The following APP variants were observed in gnomAD, a reference collection of about 807,000 sequenced individuals.
APP encodes amyloid beta precursor protein.
In APP, 31 loss-of-function variants were observed where a neutral mutation model predicts 101.4. The ratio of observed to expected loss-of-function variants is 0.31; its 90% CI spans 0.23 to 0.41. The LOEUF (loss-of-function observed/expected upper bound fraction) is 0.41. Ranked by LOEUF, APP falls within the 10% of genes least tolerant of loss-of-function variation. The pLI, the probability that APP is intolerant of heterozygous loss-of-function variation, is 1.00. For missense variants in APP, 839 were observed against 1,003.7 expected, an observed-to-expected ratio of 0.84 and a Z score of 2.22; for synonymous variants, 366 against 364.4, an observed-to-expected ratio of 1.00 and a Z score of -0.05.
intron 5 of APP, among the ~76,000 whole-genome samples, chr21:26,044,535 T>C (rs1237651502): frequency 1.3e-5 from 2 of 152,116 alleles, no homozygotes; most frequent in Admixed American, 6.5e-5. Flanking sequence ...AATGTATTTC[T>C]TTCTTTCTTT....
At chr21:26,009,084 G>T (rs952484818) in intron 6 of APP, among the ~76,000 whole-genome samples, 9 of 152,188 alleles carry the variant, frequency 5.9e-5, no homozygotes, top group Non-Finnish European at 1.2e-4. Context: ...GAAGCAGCAT[G>T]ATCAACCTTA....
At chr21:25,986,132 T>C (rs2042627935) in intron 8 of APP, among the ~76,000 whole-genome samples, 1 of 152,142 alleles carries the variant, frequency 6.6e-6, no homozygotes, top group Non-Finnish European at 1.5e-5. Flanking sequence ...CAGAGACACG[T>C]GTGCCCTATG....
At chr21:26,166,356 C>T (rs116382391) in intron 1 of APP, among the ~76,000 whole-genome samples, 1,655 of 152,288 alleles carry the variant, frequency 0.011, 30 homozygotes, top group African/African-American at 0.037. Flanking sequence ...GTGAGACCCA[C>T]AGGGTGACAG....
chr21:25,886,303 T>C (rs756330682), intron 17 of APP, among the ~76,000 whole-genome samples: 2 of 152,120 alleles, frequency 1.3e-5, no homozygotes, highest in South Asian at 2.1e-4. Context: ...CATCTCTCTA[T>C]AGTTATATAT....
intron 1 of APP, among the ~76,000 whole-genome samples, chr21:26,154,734 A>AT (rs2063341088): frequency 6.6e-6 from 1 of 152,220 alleles, no homozygotes; most frequent in Non-Finnish European, 1.5e-5. Flanking sequence ...AATGTGGGTG[A>AT]TTTTGAACAA....
chr21:26,009,298 A>T (rs998561037), intron 6 of APP, among the ~76,000 whole-genome samples: 2 of 152,214 alleles, frequency 1.3e-5, no homozygotes, highest in African/African-American at 4.8e-5. Flanking sequence ...ATTTGAACAG[A>T]TTGAACAGAT....
At chr21:26,151,822 CCA>C (rs1339504221) in intron 1 of APP, among the ~76,000 whole-genome samples, 1 of 152,202 alleles carries the variant, frequency 6.6e-6, no homozygotes, top group Admixed American at 6.5e-5. Flanking sequence ...TCCTAACACG[CCA>C]CAGACCGGTA....
intron 4 of APP, 97 bp from the exon 5 acceptor site, chr21:26,051,290 T>C: frequency 1.6e-6 from 2 of 1,234,222 alleles, no homozygotes; most frequent in Admixed American, 2.0e-5. Flanking sequence ...ACCCAATATA[T>C]TAGGAACCAA....
At chr21:26,042,825 A>G (rs2045435132) in intron 5 of APP, among the ~76,000 whole-genome samples, 1 of 152,148 alleles carries the variant, frequency 6.6e-6, no homozygotes, top group Non-Finnish European at 1.5e-5. Flanking sequence ...CTGAGGCAGG[A>G]GGATCACTTG....
intron 13 of APP, chr21:25,942,424 T>C (rs1045095245): frequency 6.6e-6 from 1 of 152,186 alleles, no homozygotes; most frequent in African/African-American, 2.4e-5. Context: ...AAAACTAAGA[T>C]TCTTTCCTTT....
chr21:26,053,026 G>T (rs1190866647), intron 4 of APP, among the ~76,000 whole-genome samples: 1 of 151,992 alleles, frequency 6.6e-6, no homozygotes, highest in Non-Finnish European at 1.5e-5. Flanking sequence ...GGGGACAGGG[G>T]GTACACGGGA....
chr21:25,891,377 A>G (rs929676586), intron 17 of APP, among the ~76,000 whole-genome samples: 4 of 152,210 alleles, frequency 2.6e-5, no homozygotes, highest in African/African-American at 9.6e-5. Context: ...TTTTATTTTT[A>G]ACTTCTTGTA....
chr21:25,987,320 T>TC (rs773987011), intron 8 of APP, among the ~76,000 whole-genome samples: 2 of 151,940 alleles, frequency 1.3e-5, no homozygotes, highest in African/African-American at 4.8e-5. Flanking sequence ...CTAGGTATGT[T>TC]CCCCCCTCCA....
chr21:26,083,963 C>T (rs1376555351), intron 3 of APP, among the ~76,000 whole-genome samples: 1 of 151,914 alleles, frequency 6.6e-6, no homozygotes, highest in East Asian at 1.9e-4. Context: ...TGTTAAAAGT[C>T]CCAGAAAGAG....
At chr21:26,113,640 C>G (rs1473629650) in intron 1 of APP, among the ~76,000 whole-genome samples, 1 of 152,208 alleles carries the variant, frequency 6.6e-6, no homozygotes, top group African/African-American at 2.4e-5. Context: ...AGATCATCTG[C>G]AGAAATAGCT....
intron 8 of APP, among the ~76,000 whole-genome samples, chr21:25,990,173 T>C (rs898490597): frequency 6.6e-6 from 1 of 152,198 alleles, no homozygotes. Context: ...GTCAGTGCAA[T>C]CATAGTTGGT....
chr21:25,958,491 A>C (rs993398662), intron 11 of APP, among the ~76,000 whole-genome samples: 13 of 152,048 alleles, frequency 8.5e-5, no homozygotes, highest in South Asian at 2.1e-4. Flanking sequence ...GTTAGCCAGG[A>C]TGGTCTCCAT....
chr21:25,999,631 C>T (rs1244552609), intron 7 of APP, among the ~76,000 whole-genome samples: 1 of 152,178 alleles, frequency 6.6e-6, no homozygotes, highest in African/African-American at 2.4e-5. Context: ...AGGTAGTGCA[C>T]ATGCATAAAC....
chr21:26,140,228 T>C, intron 1 of APP: 1 of 1,536,160 alleles, frequency 6.5e-7, no homozygotes, highest in South Asian at 1.2e-5. Flanking sequence ...CCAATCATTG[T>C]CAATTACATC....
Sources: allele counts gnomAD v4.1 joint callset (sites outside exome capture counted in the v4.1 genomes callset), GRCh38; gene constraint gnomAD v4.1.1; transcripts MANE v1.5; gene names NCBI Gene and HGNC (gene_info 2026-07-23, HGNC 2026-07-21).